Variants in FAM13A observed in about 807,000 individuals in gnomAD.
FAM13A encodes the protein family with sequence similarity 13 member A, also known as protein FAM13A.
Under a neutral mutation model 129.6 loss-of-function variants are expected in FAM13A, and 76 were observed. That is an observed-to-expected ratio of 0.59 (90% CI 0.49 to 0.71). FAM13A has a LOEUF of 0.71. Among genes scored for constraint, FAM13A ranks in the 30% least tolerant of loss-of-function variants. The probability of loss-of-function intolerance (pLI) is 0.00; values close to 1 mark genes in which losing one functional copy is unlikely to be tolerated. For synonymous variants in FAM13A, 443 were observed against 449.9 expected (o/e 0.98, Z 0.20); for missense variants, 1,108 against 1,249.3 (o/e 0.89, Z 1.70).
At chr4:88,804,231 C>T (rs1040386498) in intron 8 of FAM13A, among the ~76,000 whole-genome samples, 1 of 151,878 alleles carries the variant, frequency 6.6e-6, no homozygotes. Flanking sequence ...CCAGCCTGGG[C>T]AACAGAGTGA....
chr4:88,891,624 T>G (rs1745337214), intron 6 of FAM13A, among the ~76,000 whole-genome samples: 3 of 152,202 alleles, frequency 2.0e-5, no homozygotes, highest in African/African-American at 7.2e-5. Context: ...AACTGGTTTA[T>G]TCCAGTGATA....
chr4:88,739,315 G>A (rs916485896), intron 19 of FAM13A, among the ~76,000 whole-genome samples, 190 bp from the exon 20 acceptor site: 18 of 152,052 alleles, frequency 1.2e-4, no homozygotes, highest in African/African-American at 3.9e-4. Flanking sequence ...ACCTAGTTCA[G>A]CTGCAGATCA....
chr4:88,807,675 G>T (rs929538973), intron 7 of FAM13A, among the ~76,000 whole-genome samples: 1 of 152,140 alleles, frequency 6.6e-6, no homozygotes, highest in African/African-American at 2.4e-5. Context: ...TAAGCTCCTT[G>T]TCATGCTTCT....
chr4:88,823,724 T>TA (rs1732503327), intron 7 of FAM13A, among the ~76,000 whole-genome samples: 1 of 152,186 alleles, frequency 6.6e-6, no homozygotes, highest in Admixed American at 6.5e-5. Flanking sequence ...AGCATGCCTC[T>TA]AGACCCTTGC....
Position 88,727,716 on chromosome 4 carries a change from T to C in FAM13A, c.*817A>G, listed in dbSNP as rs1736718352. ...GCTAGCCTGGCTTGGTGTTTGACGA[T>C]AAAATCAGACTGGTAAGTGCAGTCA... is the stretch of plus-strand genomic sequence containing the variant. On this transcript the variant is annotated 3_prime_UTR_variant, in exon 24 of 24. Transcript: ENST00000264344. 1 of 152,194 alleles carries C rather than the reference T, an allele frequency of 6.6e-6. No homozygotes were observed. Among genetic ancestry groups the C allele is most frequent in the Non-Finnish European group, 1.5e-5 (1 of 68,050 alleles). 9.4% of individuals were successfully genotyped at this position (152,194 alleles called of 1,614,324 possible).
In FAM13A at chr4:88,896,863, G is replaced by A. The variant is rs116366396; in HGVS notation, c.843+9516C>T. On this transcript the variant is annotated intron_variant, in intron 6 of 23. Coordinates refer to ENST00000264344, the MANE Select transcript of FAM13A (RefSeq NM_014883.4). ...TGTATCCCCTGATAAAAGTCAAAAC[G>A]GAAATAGATCATTGTTTATTTTATA... is the stretch of plus-strand genomic sequence containing the variant. 6.7e-3 allele frequency among the ~76,000 whole-genome samples: 1,014 copies of A among 152,228 alleles called. 17 individuals are homozygous for A. Among genetic ancestry groups the A allele is most frequent in the African/African-American group, 0.023 (969 of 41,540 alleles).
intron 6 of FAM13A, among the ~76,000 whole-genome samples, chr4:88,860,273 A>C (rs1739268286): frequency 6.6e-6 from 1 of 152,192 alleles, no homozygotes; most frequent in Non-Finnish European, 1.5e-5. Flanking sequence ...TATTATGGGG[A>C]AAAATTAAGC....
At chr4:88,772,474 T>G (rs1456642275) in intron 11 of FAM13A, among the ~76,000 whole-genome samples, 1 of 152,214 alleles carries the variant, frequency 6.6e-6, no homozygotes, top group African/African-American at 2.4e-5. Flanking sequence ...TCTCTCGTGA[T>G]CTGGTACAAC....
chr4:88,990,644 T>G (rs1470499831), intron 4 of FAM13A: 3 of 203,118 alleles, frequency 1.5e-5, no homozygotes, highest in South Asian at 1.4e-4. Flanking sequence ...TTATTCACTA[T>G]GTCATACTCC....
At chr4:88,841,947 A>C (rs1735903633) in intron 7 of FAM13A, among the ~76,000 whole-genome samples, 1 of 152,206 alleles carries the variant, frequency 6.6e-6, no homozygotes, top group Non-Finnish European at 1.5e-5. Context: ...GAAGGCTTCT[A>C]CAGAAATGTT....
chr4:88,952,319 A>G (rs2148880831), intron 4 of FAM13A, among the ~76,000 whole-genome samples: 1 of 152,240 alleles, frequency 6.6e-6, no homozygotes, highest in South Asian at 2.1e-4. Flanking sequence ...GTTACTAAAA[A>G]TAAAGAAAAA....
intron 7 of FAM13A, among the ~76,000 whole-genome samples, chr4:88,837,573 C>T (rs1735035458): frequency 1.3e-5 from 2 of 151,432 alleles, no homozygotes; most frequent in Admixed American, 1.3e-4. Flanking sequence ...AAAAAATTAG[C>T]CAGGTGTGGT....
chr4:89,046,317 T>C (rs957277854), intron 1 of FAM13A, among the ~76,000 whole-genome samples: 1 of 152,014 alleles, frequency 6.6e-6, no homozygotes, highest in East Asian at 1.9e-4. Context: ...AAGAGAAGAT[T>C]TGAGGTTGGA....
At chr4:88,818,590 T>A (rs1731240451) in intron 7 of FAM13A, among the ~76,000 whole-genome samples, 1 of 152,198 alleles carries the variant, frequency 6.6e-6, no homozygotes, top group Non-Finnish European at 1.5e-5. Context: ...TTGGGCTCCA[T>A]GGGTAATTAA....
At chr4:89,014,109 GAATGAATGAATA>G (rs1260302361) in intron 3 of FAM13A, among the ~76,000 whole-genome samples, 1 of 152,130 alleles carries the variant, frequency 6.6e-6, no homozygotes, top group African/African-American at 2.4e-5. Flanking sequence ...GTTAGAAAAT[GAATGAATGAATA>G]AATGAATGAA....
intron 6 of FAM13A, among the ~76,000 whole-genome samples, chr4:88,892,696 G>A (rs1018826726): frequency 6.6e-6 from 1 of 152,078 alleles, no homozygotes; most frequent in African/African-American, 2.4e-5. Flanking sequence ...CTGGGAGTAA[G>A]TCAAGGAGGC....
At chr4:88,950,620 A>G (rs540528046) in intron 4 of FAM13A, among the ~76,000 whole-genome samples, 47 of 152,328 alleles carry the variant, frequency 3.1e-4, no homozygotes, top group Non-Finnish European at 5.0e-4. Context: ...GGCTTGTTTT[A>G]ATCCACTACC....
chr4:88,874,871 C>T (rs200454850), intron 6 of FAM13A, among the ~76,000 whole-genome samples: 18 of 152,246 alleles, frequency 1.2e-4, no homozygotes, highest in Middle Eastern at 3.4e-3. Flanking sequence ...GGAGGCATCA[C>T]GCTACCTGAC....
chr4:88,958,172 G>A (rs557343347), intron 4 of FAM13A, among the ~76,000 whole-genome samples: 7 of 152,258 alleles, frequency 4.6e-5, no homozygotes, highest in Middle Eastern at 6.8e-3. Flanking sequence ...GCTAATAGCC[G>A]ATACAATGAG....
Sources: allele counts gnomAD v4.1 joint callset (sites outside exome capture counted in the v4.1 genomes callset), GRCh38; gene constraint gnomAD v4.1.1; transcripts MANE v1.5; gene names NCBI Gene and HGNC (gene_info 2026-07-23, HGNC 2026-07-21).